Variants in COLEC11 observed in about 807,000 individuals in gnomAD.
COLEC11 encodes collectin subfamily member 11, also known as collectin-11.
Under a neutral mutation model 27.3 loss-of-function variants are expected in COLEC11, and 20 were observed. The ratio of observed to expected loss-of-function variants is 0.73; its 90% CI spans 0.51 to 1.06. The LOEUF (loss-of-function observed/expected upper bound fraction) is 1.06, where lower values mean the gene tolerates loss of function less well. COLEC11 is among the 50% of genes least tolerant of loss of function. The pLI is 0.00. For missense variants in COLEC11, 310 were observed against 383.0 expected (o/e 0.81, Z 1.59); for synonymous variants, 163 against 154.7 (o/e 1.05, Z -0.40).
At chr2:3,600,134 C>CT (rs1235415681) in intron 1 of COLEC11, among the ~76,000 whole-genome samples, 3 of 150,896 alleles carry the variant, frequency 2.0e-5, no homozygotes, top group Non-Finnish European at 4.4e-5. Context: ...ACTTGCGAAG[C>CT]TGAGGCGGGA....
chr2:3,612,921 G>T (rs1032314702), intron 2 of COLEC11, among the ~76,000 whole-genome samples: 2 of 151,994 alleles, frequency 1.3e-5, no homozygotes, highest in African/African-American at 4.8e-5. Context: ...GAAGCTCAGG[G>T]AGAGGTCGGG....
chr2:3,604,428 G>A lies in COLEC11; in HGVS notation c.88G>A (p.Asp30Asn), dbSNP rs1572389399. The A allele has an allele frequency of 3.1e-6, 5 of 1,614,218 alleles. No homozygotes were observed. Among genetic ancestry groups the A allele is most frequent in the African/African-American group, 1.3e-5 (1 of 75,060 alleles). The change falls in exon 2 of 7, where the codon GAT becomes AAT. Residue 30 changes from aspartate to asparagine, a missense_variant. By Grantham distance (23) the Asp-to-Asn change is conservative. Coordinates refer to ENST00000349077, the MANE Select transcript of COLEC11 (RefSeq NM_024027.5). ...LPSGHPQPAG[D>N]DACSVQILVP... ...ATCTGGACATCCTCAGCCGGCTGGC[G>A]ATGACGCCTGCTCTGTGCAGATCCT...
At chr2:3,632,814 C>A (rs1168363549) in intron 3 of COLEC11, among the ~76,000 whole-genome samples, 4 of 152,198 alleles carry the variant, frequency 2.6e-5, no homozygotes, top group African/African-American at 9.6e-5. Context: ...ACTGAGTCCC[C>A]ACTTGGAGAG....
chr2:3,642,102 T>C (rs780366785), intron 5 of COLEC11, among the ~76,000 whole-genome samples: 15 of 152,068 alleles, frequency 9.9e-5, no homozygotes, highest in Non-Finnish European at 1.9e-4. Context: ...GGAGTGTAGC[T>C]CAGTTGATTA....
intron 2 of COLEC11, among the ~76,000 whole-genome samples, chr2:3,607,330 A>G (rs1662804538): frequency 6.6e-6 from 1 of 152,122 alleles, no homozygotes; most frequent in East Asian, 1.9e-4. Context: ...TCTTTTTTTA[A>G]TGGTTAAAAA....
chr2:3,623,386 C>G (rs191011675), intron 3 of COLEC11, among the ~76,000 whole-genome samples: 85 of 152,106 alleles, frequency 5.6e-4, no homozygotes, highest in African/African-American at 1.9e-3. Flanking sequence ...TTTCTATTAG[C>G]TTCTCTCTAT....
chr2:3,613,212 A>G, intron 2 of COLEC11, 99 bp from the exon 3 acceptor site: 2 of 1,319,606 alleles, frequency 1.5e-6, no homozygotes, highest in Non-Finnish European at 2.1e-6. Context: ...ACCTGCAGGG[A>G]CCCGGGGAGA....
rs550442858 is a variant in COLEC11, at chr2:3,602,741, C to T, written c.-26-1574C>T. 9.3e-4 allele frequency among the ~76,000 whole-genome samples: 141 copies of T among 152,320 alleles called. 3 individuals are homozygous for T. The South Asian group carries it at 0.01, about 11-fold the overall frequency. Reference sequence around the variant, plus strand: ...GGCTCCTGTCTCCTGTCCTCTGTGCCCACCAGGCCAGCCCACCTCTCCCCG... The same window carrying T: ...GGCTCCTGTCTCCTGTCCTCTGTGCTCACCAGGCCAGCCCACCTCTCCCCG... On this transcript the variant is annotated intron_variant, in intron 1 of 6. Coordinates refer to ENST00000349077, the MANE Select transcript of COLEC11 (RefSeq NM_024027.5). The surrounding 1 kb of genome is among the most constrained non-coding windows in gnomAD (Gnocchi z 6.2).
chr2:3,630,259 A>G (rs1216817690), intron 3 of COLEC11, among the ~76,000 whole-genome samples: 2 of 152,194 alleles, frequency 1.3e-5, no homozygotes, highest in Non-Finnish European at 2.9e-5. Flanking sequence ...GTATGTGTAC[A>G]TGCATGTATG....
chr2:3,644,346 G>A lies in COLEC11; in HGVS notation c.*228G>A, dbSNP rs983557430. The A allele has an allele frequency of 2.9e-6, 2 of 694,160 alleles. No individual in the cohort carries two copies. The highest frequency in any genetic ancestry group is 5.2e-6 in the Non-Finnish European group (2 of 383,080). The allele number at this position is 694,160 out of a possible 1,614,324, so 43.0% of individuals were successfully genotyped here. On this transcript the variant is annotated 3_prime_UTR_variant, in exon 7 of 7. Transcript: ENST00000349077. ...GAAGCAGAGTTTCATTACCTGTATT[G>A]TAGCCCCAATGTCATTATGTAATTA...
chr2:3,617,238 G>A (rs750201085), intron 3 of COLEC11, among the ~76,000 whole-genome samples: 4 of 151,694 alleles, frequency 2.6e-5, no homozygotes, highest in Admixed American at 6.6e-5. Context: ...ATGGCTCTCT[G>A]ATTAAACTGC....
chr2:3,630,079 A>C (rs1333103976), intron 3 of COLEC11, among the ~76,000 whole-genome samples: 1 of 149,238 alleles, frequency 6.7e-6, no homozygotes, highest in African/African-American at 2.5e-5. Context: ...ATATCTGTTA[A>C]TATGTGTATG....
intron 3 of COLEC11, among the ~76,000 whole-genome samples, chr2:3,630,294 CTG>C (rs1335283879): frequency 1.3e-5 from 2 of 152,012 alleles, no homozygotes; most frequent in East Asian, 1.9e-4. Flanking sequence ...GTGCATATGT[CTG>C]TATATAATGT....
At chr2:3,608,920 A>G (rs1662953165) in intron 2 of COLEC11, among the ~76,000 whole-genome samples, 1 of 152,184 alleles carries the variant, frequency 6.6e-6, no homozygotes, top group South Asian at 2.1e-4. Context: ...TCCAGGGCAT[A>G]TTTTGTTCAA....
chr2:3,636,388 G>A (rs1170973751), intron 3 of COLEC11, among the ~76,000 whole-genome samples: 1 of 152,128 alleles, frequency 6.6e-6, no homozygotes, highest in Non-Finnish European at 1.5e-5. Context: ...CCGGGAGGTG[G>A]AGCTTGCAGT....
chr2:3,608,342 T>C (rs756477749), intron 2 of COLEC11, among the ~76,000 whole-genome samples: 1 of 152,222 alleles, frequency 6.6e-6, no homozygotes, highest in Non-Finnish European at 1.5e-5. Flanking sequence ...ATTAGAACTT[T>C]ATGTAGTCAA....
chr2:3,611,678 T>A (rs965180351), intron 2 of COLEC11, among the ~76,000 whole-genome samples: 1 of 152,184 alleles, frequency 6.6e-6, no homozygotes, highest in African/African-American at 2.4e-5. Context: ...TTTCAGTAGG[T>A]GGCCCTGCGG....
intron 3 of COLEC11, chr2:3,625,941 A>G: frequency 7.0e-7 from 1 of 1,433,514 alleles, no homozygotes; most frequent in East Asian, 2.3e-5. Flanking sequence ...CAGACTTTGC[A>G]AAGTTATTTA....
In COLEC11 at chr2:3,643,424, C is replaced by G; in HGVS notation, c.329-20C>G. On this transcript the variant is annotated intron_variant, in intron 5 of 6. Transcript: ENST00000349077. ...GAGTCCTCATCCAGCGTTTGTAACG[C>G]GTGGGCCTGGCCCCCGCAGGCCTCC... is the stretch of plus-strand genomic sequence containing the variant. 3.1e-6 allele frequency: 5 copies of G among 1,601,162 alleles called. No individual in the cohort carries two copies. Among genetic ancestry groups the G allele is most frequent in the Non-Finnish European group, 4.3e-6 (5 of 1,168,756 alleles).
Sources: allele counts gnomAD v4.1 joint callset (sites outside exome capture counted in the v4.1 genomes callset), GRCh38; gene constraint gnomAD v4.1.1; non-coding constraint Gnocchi (gnomAD v3.1); transcripts MANE v1.5; gene names NCBI Gene and HGNC (gene_info 2026-07-23, HGNC 2026-07-21).